The following KLHL14 variants were observed in gnomAD, a reference collection of about 807,000 sequenced individuals.
KLHL14 encodes kelch-like protein 14.
A neutral mutation model predicts 64.3 loss-of-function variants in KLHL14; 22 were observed. The ratio of observed to expected loss-of-function variants is 0.34; its 90% CI spans 0.24 to 0.49. The LOEUF (loss-of-function observed/expected upper bound fraction) is 0.49, where lower values mean the gene tolerates loss of function less well. Ranked by LOEUF, KLHL14 falls within the 20% of genes least tolerant of loss-of-function variation. KLHL14 has a pLI of 0.99. For synonymous variants in KLHL14, 322 were observed against 333.4 expected, an observed-to-expected ratio of 0.97 and a Z score of 0.37; for missense variants, 661 against 789.0, an observed-to-expected ratio of 0.84 and a Z score of 1.94.
At chr18:32,693,411 C>CAG (rs1170904090) in intron 4 of KLHL14, among the ~76,000 whole-genome samples, 1,271 of 112,736 alleles carry the variant, frequency 0.011, 7 homozygotes, top group Middle Eastern at 0.018. Flanking sequence ...CACACACACA[C>CAG]ACAGAGAGAG....
At chr18:32,684,347 G>C (rs2049859752) in intron 5 of KLHL14, among the ~76,000 whole-genome samples, 1 of 152,208 alleles carries the variant, frequency 6.6e-6, no homozygotes, top group African/African-American at 2.4e-5. Context: ...AACTGGGAAG[G>C]TGTTCTGCAC....
intron 4 of KLHL14, among the ~76,000 whole-genome samples, chr18:32,692,285 A>G (rs1434404760): frequency 6.6e-6 from 1 of 152,188 alleles, no homozygotes; most frequent in East Asian, 1.9e-4. Flanking sequence ...ATGAGCATGT[A>G]TTGAAATTTG....
At chr18:32,721,534 C>T (rs1407423437) in intron 3 of KLHL14, among the ~76,000 whole-genome samples, 1 of 152,176 alleles carries the variant, frequency 6.6e-6, no homozygotes, top group Non-Finnish European at 1.5e-5. Flanking sequence ...AGCATTTGTT[C>T]AGGCTTTATC....
chr18:32,699,176 G>A (rs1012546663), intron 3 of KLHL14, among the ~76,000 whole-genome samples: 1 of 152,098 alleles, frequency 6.6e-6, no homozygotes, highest in Non-Finnish European at 1.5e-5. Flanking sequence ...GTTGGTCTTT[G>A]TGGATGGGAA....
At chr18:32,748,455 C>T (rs569410399) in intron 2 of KLHL14, among the ~76,000 whole-genome samples, 4 of 151,952 alleles carry the variant, frequency 2.6e-5, no homozygotes, top group African/African-American at 4.8e-5. Context: ...CTGCAAGCTC[C>T]GCCTCCCGGG....
intron 2 of KLHL14, among the ~76,000 whole-genome samples, chr18:32,753,651 G>A (rs1448903965): frequency 1.3e-5 from 2 of 151,514 alleles, no homozygotes; most frequent in African/African-American, 4.8e-5. Context: ...TAGCTCATAA[G>A]CCCCAAGGAT....
At position 32,770,349 on chromosome 18, in the gene KLHL14, G is replaced by C. The variant is rs1314753675; in HGVS notation, c.243C>G (p.Pro81=). 2 of 1,584,386 alleles carry C rather than the reference G, an allele frequency of 1.3e-6. No homozygotes were observed. Among genetic ancestry groups the C allele is most frequent in the East Asian group, 2.2e-5 (1 of 44,602 alleles). Residue 81 remains proline, a synonymous_variant, in exon 2 of 9, where the codon CCC becomes CCG. Coordinates refer to ENST00000359358, the MANE Select transcript of KLHL14 (RefSeq NM_020805.3). This position sits in a 1 kb window ranked among gnomAD's most constrained non-coding sequence, Gnocchi z 6.7. The part of the protein sequence containing the change: ...GVGGQDGLGA[P]KDQQQPPQQQ... ...GCTGCGGCGGCTGCTGCTGGTCCTT[G>C]GGGGCCCCCAGGCCGTCCTGGCCGC...
chr18:32,772,481 T>G (rs1281268065), intron 1 of KLHL14, among the ~76,000 whole-genome samples, 186 bp downstream of exon 1: 2 of 151,816 alleles, frequency 1.3e-5, no homozygotes, highest in Non-Finnish European at 2.9e-5. Context: ...TTCTTGTTCT[T>G]CTCCCTTGCC....
rs1174537172 is a variant in KLHL14 at position 32,683,186 on chromosome 18, C to G, written c.1239-2587G>C. 6.6e-6 allele frequency among the ~76,000 whole-genome samples: 1 copy of G among 152,164 alleles called. No individual in the cohort carries two copies. Among genetic ancestry groups the G allele is most frequent in the Non-Finnish European group, 1.5e-5 (1 of 68,024 alleles). ...CCTGGTCAGCCTGTCAGAACCTGCT[C>G]TCTTTTCTAGCCAAGGCGTTCTTCA... is the stretch of plus-strand genomic sequence containing the variant. On this transcript the variant is annotated intron_variant, in intron 5 of 8. Transcript: ENST00000359358. This position sits in a 1 kb window ranked among gnomAD's most constrained non-coding sequence, Gnocchi z 4.2.
chr18:32,692,939 A>G (rs1387467614), intron 4 of KLHL14, among the ~76,000 whole-genome samples: 10 of 152,228 alleles, frequency 6.6e-5, no homozygotes, highest in Admixed American at 1.3e-4. Context: ...GGAGTACTCA[A>G]TAAGTACTAC....
At chr18:32,735,236 G>C (rs1444969706) in intron 3 of KLHL14, among the ~76,000 whole-genome samples, 1 of 152,036 alleles carries the variant, frequency 6.6e-6, no homozygotes, top group Non-Finnish European at 1.5e-5. Context: ...GCATCTTTTG[G>C]TGAGATGAAT....
Position 32,677,225 on chromosome 18 carries a change from C to T in KLHL14, c.1694G>A (p.Cys565Tyr). The T allele has an allele frequency of 6.2e-7, 1 of 1,613,730 alleles. No homozygotes were observed. Among genetic ancestry groups the T allele is most frequent in the East Asian group, 2.2e-5 (1 of 44,884 alleles). The change falls in exon 8 of 9, where the codon TGT becomes TAT. Residue 565 changes from cysteine to tyrosine, a missense_variant. Physicochemically the swap from Cys to Tyr is radical, Grantham distance 194. Transcript: ENST00000359358. Reference protein sequence around the residue: ...PILEGRSGPGCAVLDDSIYLV... With the variant: ...PILEGRSGPGYAVLDDSIYLV... The stretch of plus-strand genomic sequence containing the variant: ...GTAAATGCTGTCATCAAGCACTGCA[C>T]AGCCAGGGCCACTTCGACCCTCCAA...
At chr18:32,687,910 C>A (rs889294948) in intron 4 of KLHL14, among the ~76,000 whole-genome samples, 1 of 152,232 alleles carries the variant, frequency 6.6e-6, no homozygotes, top group African/African-American at 2.4e-5. Flanking sequence ...CTATGCATAT[C>A]AAGTAAGTTC....
chr18:32,731,991 C>T (rs1401296961), intron 3 of KLHL14, among the ~76,000 whole-genome samples: 2 of 152,032 alleles, frequency 1.3e-5, no homozygotes, highest in Middle Eastern at 3.2e-3. Flanking sequence ...GAGGCCGAGG[C>T]GGGTGGATCA....
intron 5 of KLHL14, among the ~76,000 whole-genome samples, chr18:32,684,392 A>AG (rs2049860055): frequency 6.6e-6 from 1 of 152,160 alleles, no homozygotes; most frequent in Non-Finnish European, 1.5e-5. Context: ...TTGCCTAGGT[A>AG]GGCTATCCTG....
chr18:32,771,051 A>T, intron 1 of KLHL14: 1 of 309,220 alleles, frequency 3.2e-6, no homozygotes, highest in Non-Finnish European at 6.7e-6. Flanking sequence ...AAAGGCCGGG[A>T]AGTGGGGAGC....
At chr18:32,696,162 CTCTA>C (rs1479599739) in intron 3 of KLHL14, among the ~76,000 whole-genome samples, 8 of 152,186 alleles carry the variant, frequency 5.3e-5, no homozygotes, top group Non-Finnish European at 8.8e-5. Flanking sequence ...ATCGCACATT[CTCTA>C]TCTATCTGCT....
At chr18:32,752,924 C>A (rs1396628117) in intron 2 of KLHL14, among the ~76,000 whole-genome samples, 1 of 149,462 alleles carries the variant, frequency 6.7e-6, no homozygotes, top group African/African-American at 2.5e-5. Context: ...GATTCTGATT[C>A]AATGATCTGG....
intron 4 of KLHL14, among the ~76,000 whole-genome samples, chr18:32,694,351 G>A (rs75107049): frequency 0.035 from 5,351 of 152,252 alleles, 127 homozygotes; most frequent in Non-Finnish European, 0.051. Flanking sequence ...TGCATTGTGC[G>A]CATGTCAGGG....
Sources: gnomAD v4.1 joint callset for allele counts (sites outside exome capture counted in the v4.1 genomes callset) on GRCh38, gnomAD v4.1.1 for gene constraint, Gnocchi (gnomAD v3.1) non-coding constraint, MANE v1.5 for transcripts, NCBI Gene and HGNC (gene_info 2026-07-23, HGNC 2026-07-21) for gene names.